Variants in QRICH1 observed in about 807,000 individuals in gnomAD.
The protein encoded by QRICH1 is transcriptional regulator QRICH1.
In QRICH1, 16 loss-of-function variants were observed where a neutral mutation model predicts 87.1. The observed-to-expected ratio is 0.18, with a 90% CI of 0.12 to 0.28. The LOEUF is 0.28. QRICH1 is among the 10% of genes least tolerant of loss of function. The probability of loss-of-function intolerance (pLI) is 1.00; values close to 1 mark genes in which losing one functional copy is unlikely to be tolerated. For synonymous variants in QRICH1, 367 were observed against 368.4 expected (o/e 1.00, Z 0.05); for missense variants, 647 against 951.7 (o/e 0.68, Z 4.21).
At chr3:49,062,746 A>C (rs886475333) in intron 2 of QRICH1, among the ~76,000 whole-genome samples, 1 of 151,092 alleles carries the variant, frequency 6.6e-6, no homozygotes, top group African/African-American at 2.4e-5. Flanking sequence ...TGTGGCTCAC[A>C]CCTGTAATCC....
At position 49,068,381 on chromosome 3, in the gene QRICH1, T is replaced by C. The variant is rs1318125242; in HGVS notation, c.309+8328A>G. ...CTGAGGTGGGAGGATCCCTTAAGCA[T>C]GGGAGGTTGAAGTTGCAGTGAGCCT... On this transcript the variant is annotated intron_variant, in intron 2 of 9. Coordinates refer to ENST00000395443, the MANE Select transcript of QRICH1 (RefSeq NM_198880.3). Among the ~76,000 whole-genome samples the C allele has an allele frequency of 4.0e-5, 6 of 150,360 alleles. No homozygotes were observed. In the Admixed American group the frequency reaches 4.0e-4, roughly 10 times the overall value.
At chr3:49,067,063 C>T (rs1159731623) in intron 2 of QRICH1, among the ~76,000 whole-genome samples, 2 of 151,738 alleles carry the variant, frequency 1.3e-5, no homozygotes, top group African/African-American at 2.4e-5. Flanking sequence ...AATTACTTAT[C>T]AATGCTCAAG....
chr3:49,063,632 A>T (rs981153354), intron 2 of QRICH1, among the ~76,000 whole-genome samples: 8 of 152,114 alleles, frequency 5.3e-5, no homozygotes, highest in Non-Finnish European at 1.0e-4. Flanking sequence ...TCTACAAAAA[A>T]TTTTAAAAAT....
At chr3:49,091,159 G>A (rs964159715) in intron 1 of QRICH1, among the ~76,000 whole-genome samples, 6 of 152,122 alleles carry the variant, frequency 3.9e-5, no homozygotes, top group Admixed American at 2.0e-4. Flanking sequence ...GGAGGCAGAG[G>A]TTGCAGTGAG....
chr3:49,047,331 G>A (rs1050717623), intron 3 of QRICH1, 85 bp from the exon 4 acceptor site: 2 of 1,264,624 alleles, frequency 1.6e-6, no homozygotes, highest in Admixed American at 2.3e-5. Flanking sequence ...GTTATGTATA[G>A]TTCATTTATT....
Position 49,047,161 on chromosome 3 carries a change from G to A in QRICH1, c.1424C>T (p.Pro475Leu). Residue 475 changes from proline (P) to leucine (L), a missense_variant, in exon 4 of 10, where the codon CCA (proline) becomes CTA (leucine). By Grantham distance (98) the Pro-to-Leu change is moderately conservative. This residue lies in a region of QRICH1 where 187 missense variants were observed against 309.5 expected (regional missense o/e 0.60). Transcript: ENST00000395443. ...PELLLPNSLK[P>L]EEGLEVWKNW... ...TTTCCATACTTCAAGCCCTTCTTCT[G>A]GCTTCAAAGAATTTGGAAGCAGAAG... The A allele has an allele frequency of 6.2e-7, 1 of 1,614,076 alleles. No homozygotes were observed. The highest frequency in any genetic ancestry group is 8.5e-7 in the Non-Finnish European group (1 of 1,180,020).
chr3:49,076,673 C>A (rs190424628), intron 2 of QRICH1, 36 bp downstream of exon 2: 2 of 1,460,442 alleles, frequency 1.4e-6, no homozygotes, highest in East Asian at 4.8e-5. Flanking sequence ...AAATAAAGTA[C>A]ATTAAACAGG....
chr3:49,045,198 GTAGT>G (rs767441069), intron 5 of QRICH1, among the ~76,000 whole-genome samples: 13 of 152,086 alleles, frequency 8.5e-5, no homozygotes, highest in Non-Finnish European at 1.8e-4. Flanking sequence ...CTTCAAATAA[GTAGT>G]TAGTGCAGGG....
At chr3:49,071,636 AGAG>A (rs893576777) in intron 2 of QRICH1, among the ~76,000 whole-genome samples, 1 of 152,200 alleles carries the variant, frequency 6.6e-6, no homozygotes, top group African/African-American at 2.4e-5. Flanking sequence ...GTGGTAAGGA[AGAG>A]GAGGTCAAAG....
At chr3:49,067,503 G>C (rs2093475267) in intron 2 of QRICH1, among the ~76,000 whole-genome samples, 1 of 151,956 alleles carries the variant, frequency 6.6e-6, no homozygotes, top group Admixed American at 6.6e-5. Flanking sequence ...AGGAGGCGGA[G>C]CTTGCAGTGA....
At chr3:49,039,313 T>C (rs2093295328) in intron 6 of QRICH1, among the ~76,000 whole-genome samples, 1 of 151,794 alleles carries the variant, frequency 6.6e-6, no homozygotes, top group African/African-American at 2.4e-5. Context: ...ACCGAGATCG[T>C]GTCATTGCGC....
At chr3:49,058,157 ATTT>A (rs1289930541) in intron 2 of QRICH1, 12 of 372,972 alleles carry the variant, frequency 3.2e-5, no homozygotes, top group Middle Eastern at 4.2e-4. Context: ...AAAAAAAAAA[ATTT>A]TTTTTTTTTA....
In QRICH1 at chr3:49,085,870, G is replaced by A. The variant is rs540712851; in HGVS notation, c.-22+8042C>T. 2.4e-4 allele frequency among the ~76,000 whole-genome samples: 36 copies of A among 152,018 alleles called. No homozygotes were observed. The East Asian group carries it at 5.6e-3, about 24-fold the overall frequency. ...CATAAGACACAAAAGTTGAGCCTTCGTAATAAAGAGAAATGGAGAAACTTC... is the reference window on the plus strand; with the variant it reads ...CATAAGACACAAAAGTTGAGCCTTCATAATAAAGAGAAATGGAGAAACTTC... On this transcript the variant is annotated intron_variant, in intron 1 of 9. Transcript: ENST00000395443.
intron 2 of QRICH1, among the ~76,000 whole-genome samples, chr3:49,059,352 C>G (rs1034505674): frequency 6.6e-6 from 1 of 151,828 alleles, no homozygotes; most frequent in Non-Finnish European, 1.5e-5. Context: ...CTTCAAACTC[C>G]TCAAGTGATC....
chr3:49,073,106 T>TCCTG (rs2041876239), intron 2 of QRICH1, among the ~76,000 whole-genome samples: 1 of 151,928 alleles, frequency 6.6e-6, no homozygotes, highest in Non-Finnish European at 1.5e-5. Flanking sequence ...CTCTCCATAC[T>TCCTG]CCTGCCTCTC....
At chr3:49,065,062 C>T (rs1459871554) in intron 2 of QRICH1, among the ~76,000 whole-genome samples, 2 of 151,628 alleles carry the variant, frequency 1.3e-5, no homozygotes, top group African/African-American at 4.8e-5. Context: ...ACATAAATAA[C>T]ATATTCTCAT....
intron 3 of QRICH1, among the ~76,000 whole-genome samples, chr3:49,050,133 G>T (rs1012140429): frequency 2.0e-5 from 3 of 151,336 alleles, no homozygotes; most frequent in Admixed American, 6.6e-5. Context: ...TCAGGAGATC[G>T]AGCTACTTGG....
intron 9 of QRICH1, among the ~76,000 whole-genome samples, chr3:49,031,794 T>C (rs1384776856): frequency 1.3e-5 from 2 of 152,122 alleles, no homozygotes; most frequent in Non-Finnish European, 2.9e-5. Context: ...AGAATTACTA[T>C]GTAATGAGAA....
At chr3:49,082,937 C>A (rs1323498706) in intron 1 of QRICH1, among the ~76,000 whole-genome samples, 4 of 150,108 alleles carry the variant, frequency 2.7e-5, no homozygotes, top group South Asian at 2.1e-4. Context: ...TGGTGACTCA[C>A]GCCTGTAATC....
Sources: gnomAD v4.1 joint callset for allele counts (sites outside exome capture counted in the v4.1 genomes callset) on GRCh38, gnomAD v4.1.1 for gene constraint, gnomAD v4.1.1 regional missense constraint, MANE v1.5 for transcripts, NCBI Gene and HGNC (gene_info 2026-07-23, HGNC 2026-07-21) for gene names.